Variants in HIVEP1 observed in about 807,000 individuals in gnomAD.
The protein encoded by HIVEP1 is zinc finger protein 40.
In HIVEP1, 36 loss-of-function variants were observed where a neutral mutation model predicts 180.0. That is an observed-to-expected ratio of 0.20 (90% CI 0.15 to 0.26). The LOEUF (loss-of-function observed/expected upper bound fraction) is 0.26. Among genes scored for constraint, HIVEP1 ranks in the 10% least tolerant of loss-of-function variants. HIVEP1 has a pLI of 1.00. For synonymous variants in HIVEP1, 1,239 were observed against 1,239.0 expected, an observed-to-expected ratio of 1.00 and a Z score of 0.00; for missense variants, 3,143 against 3,268.7, an observed-to-expected ratio of 0.96 and a Z score of 0.94.
chr6:12,104,030 A>G (rs1774259979), intron 3 of HIVEP1, among the ~76,000 whole-genome samples: 2 of 152,108 alleles, frequency 1.3e-5, no homozygotes, highest in African/African-American at 2.4e-5. Flanking sequence ...GTGTCACTCT[A>G]TTGCTTCTTT....
At chr6:12,051,545 G>A (rs1054385757) in intron 2 of HIVEP1, among the ~76,000 whole-genome samples, 1 of 151,862 alleles carries the variant, frequency 6.6e-6, no homozygotes, top group Non-Finnish European at 1.5e-5. Flanking sequence ...CATAGTGTAT[G>A]TATGTAAATA....
At position 12,161,589 on chromosome 6, in the gene HIVEP1, C is replaced by T. The variant is rs750318356; in HGVS notation, c.6638C>T (p.Pro2213Leu). ...GCCACACCCTCAGTCACAGCTAGCCCGCAGCACCTTCCATCTAGAAGTAGC... is the reference window on the plus strand; with the variant it reads ...GCCACACCCTCAGTCACAGCTAGCCTGCAGCACCTTCCATCTAGAAGTAGC... ...LSATPSVTAS[P>L]QHLPSRSSLQ... Residue 2213 changes from proline to leucine, a missense_variant, in exon 8 of 9, where the codon CCG (proline) becomes CTG (leucine). This residue lies in a region of HIVEP1 where 126 missense variants were observed against 168.5 expected (regional missense o/e 0.75). Coordinates refer to ENST00000379388, the MANE Select transcript of HIVEP1 (RefSeq NM_002114.4). 38 of 1,614,096 alleles carry T rather than the reference C, an allele frequency of 2.4e-5. No individual in the cohort carries two copies. The highest frequency in any genetic ancestry group is 3.1e-5 in the Non-Finnish European group (36 of 1,180,010).
At chr6:12,210,882 T>TA in the HIVEP1 span, among the ~76,000 whole-genome samples, 47 of 71,476 alleles carry the variant, frequency 6.6e-4, no homozygotes, top group South Asian at 1.2e-3. Flanking sequence ...TCTGTGGTGT[T>TA]AAAAAAAATC....
chr6:12,089,287 A>G (rs753653079), intron 3 of HIVEP1, 50 bp downstream of exon 3: 31 of 992,412 alleles, frequency 3.1e-5, no homozygotes, highest in South Asian at 2.8e-4. Flanking sequence ...AATGATGCCT[A>G]TACATATACC....
At chr6:12,201,723 T>G in the HIVEP1 span, among the ~76,000 whole-genome samples, 1 of 152,254 alleles carries the variant, frequency 6.6e-6, no homozygotes, top group Non-Finnish European at 1.5e-5. Flanking sequence ...TCATCGTATT[T>G]TGTTTTCATT....
chr6:12,031,861 A>G (rs1348244314), intron 2 of HIVEP1, among the ~76,000 whole-genome samples: 3 of 152,230 alleles, frequency 2.0e-5, no homozygotes, highest in East Asian at 1.9e-4. Flanking sequence ...TTTCCTATGA[A>G]TGTGTACCAT....
chr6:12,175,482 C>T, the HIVEP1 span, among the ~76,000 whole-genome samples: 255 of 152,250 alleles, frequency 1.7e-3, 1 homozygote, highest in African/African-American at 5.8e-3. Flanking sequence ...TCAAGTTTTT[C>T]AATAATTTTA....
chr6:12,068,154 G>C (rs987863992), intron 2 of HIVEP1, among the ~76,000 whole-genome samples: 1 of 152,054 alleles, frequency 6.6e-6, no homozygotes, highest in Non-Finnish European at 1.5e-5. Context: ...ACAGTGGCAC[G>C]ATCTTGGCTC....
At chr6:12,107,621 G>C (rs1214451508) in intron 3 of HIVEP1, among the ~76,000 whole-genome samples, 2 of 152,174 alleles carry the variant, frequency 1.3e-5, no homozygotes, top group Non-Finnish European at 2.9e-5. Context: ...TGGTGGGTTC[G>C]TGGTCTCGCT....
At position 12,163,759 on chromosome 6, in the gene HIVEP1, G is replaced by T. The variant is rs769322619; in HGVS notation, c.7455G>T (p.Leu2485Phe). 71 of 1,613,968 alleles carry T rather than the reference G, an allele frequency of 4.4e-5. 1 individual carries two copies. Among genetic ancestry groups the T allele is most frequent in the Non-Finnish European group, 4.2e-5 (49 of 1,180,020 alleles). ...PGLQNLSTPG[L>F]QSLPSLSMET... The stretch of plus-strand genomic sequence containing the variant: ...TTCAGAACCTAAGTACCCCAGGCTT[G>T]CAGTCACTCCCCTCGTTAAGCATGG... The change falls in exon 9 of 9, where the codon TTG (leucine) becomes TTT (phenylalanine). Residue 2485 changes from leucine to phenylalanine, a missense_variant. Around this residue, in one of 12 missense-constraint regions of HIVEP1, gnomAD observed 595 missense variants for 602.2 expected, o/e 0.99. Coordinates refer to ENST00000379388, the MANE Select transcript of HIVEP1 (RefSeq NM_002114.4).
At chr6:12,208,442 CGAAGTAGGAAG>C in the HIVEP1 span, among the ~76,000 whole-genome samples, 2 of 152,056 alleles carry the variant, frequency 1.3e-5, no homozygotes, top group Non-Finnish European at 2.9e-5. Context: ...ACCAGACTCG[CGAAGTAGGAAG>C]GAAGCCTCCT....
chr6:12,016,320 T>TC (rs1319840424), intron 2 of HIVEP1, among the ~76,000 whole-genome samples: 1 of 152,220 alleles, frequency 6.6e-6, no homozygotes, highest in Non-Finnish European at 1.5e-5. Flanking sequence ...TTTGTATTGT[T>TC]CTCGTGTTAT....
intron 3 of HIVEP1, among the ~76,000 whole-genome samples, chr6:12,092,547 T>G (rs902790522): frequency 8.5e-5 from 13 of 152,192 alleles, no homozygotes; most frequent in Non-Finnish European, 1.8e-4. Context: ...TTCTAGAGCA[T>G]ATATAGGGAA....
chr6:12,057,530 A>G (rs1006544739), intron 2 of HIVEP1, among the ~76,000 whole-genome samples: 3 of 152,228 alleles, frequency 2.0e-5, no homozygotes, highest in African/African-American at 7.2e-5. Flanking sequence ...TCTCAGAAAT[A>G]AGAGGAACTT....
chr6:12,062,519 C>T (rs1320048378), intron 2 of HIVEP1, among the ~76,000 whole-genome samples: 1 of 151,994 alleles, frequency 6.6e-6, no homozygotes, highest in African/African-American at 2.4e-5. Flanking sequence ...AATTGGTTTT[C>T]TTTTTTTCAA....
At chr6:12,168,616 A>G (rs1351441169), downstream of HIVEP1, among the ~76,000 whole-genome samples, 3 of 151,792 alleles carry the variant, frequency 2.0e-5, no homozygotes, top group East Asian at 1.9e-4. Context: ...CTGAATTTTG[A>G]TATCTTTCTG....
At chr6:12,127,389 T>C (rs1758149465) in intron 4 of HIVEP1, among the ~76,000 whole-genome samples, 2 of 152,184 alleles carry the variant, frequency 1.3e-5, no homozygotes, top group African/African-American at 4.8e-5. Flanking sequence ...AGGCTCTAAA[T>C]CTACTAAATC....
chr6:12,040,568 C>T (rs1277907861), intron 2 of HIVEP1, among the ~76,000 whole-genome samples: 1 of 152,166 alleles, frequency 6.6e-6, no homozygotes, highest in African/African-American at 2.4e-5. Flanking sequence ...TTGTTTCACA[C>T]ACTCTTTGTG....
At chr6:12,106,354 A>AT (rs1375733246) in intron 3 of HIVEP1, among the ~76,000 whole-genome samples, 4 of 151,732 alleles carry the variant, frequency 2.6e-5, no homozygotes, top group African/African-American at 7.3e-5. Flanking sequence ...TCAAAATATT[A>AT]TTTTTTTTCC....
Sources: gnomAD v4.1 joint callset for allele counts (sites outside exome capture counted in the v4.1 genomes callset) on GRCh38, gnomAD v4.1.1 for gene constraint, gnomAD v4.1.1 regional missense constraint, MANE v1.5 for transcripts, NCBI Gene and HGNC (gene_info 2026-07-23, HGNC 2026-07-21) for gene names.